PDLIM5: variants seen among roughly 807,000 people sequenced by gnomAD.
PDLIM5 encodes the protein PDZ and LIM domain 5.
In PDLIM5, 34 loss-of-function variants were observed where a neutral mutation model predicts 64.2. The ratio of observed to expected loss-of-function variants is 0.53; its 90% CI spans 0.40 to 0.71. The LOEUF is 0.71. Among genes scored for constraint, PDLIM5 ranks in the 30% least tolerant of loss-of-function variants. PDLIM5 has a pLI of 0.00. For synonymous variants in PDLIM5, 253 were observed against 269.1 expected (o/e 0.94, Z 0.59); for missense variants, 683 against 733.6 (o/e 0.93, Z 0.80).
chr4:94,527,073 T>TTTTG (rs1730438526), intron 3 of PDLIM5, among the ~76,000 whole-genome samples: 2 of 136,320 alleles, frequency 1.5e-5, no homozygotes, highest in African/African-American at 6.1e-5. Context: ...TTTTTTTTTT[T>TTTTG]TGAGACAGAG....
intron 7 of PDLIM5, among the ~76,000 whole-genome samples, chr4:94,609,489 C>T (rs1738187864): frequency 6.6e-6 from 1 of 152,072 alleles, no homozygotes; most frequent in Non-Finnish European, 1.5e-5. Flanking sequence ...AAAATGCTTA[C>T]AGAACTAACT....
chr4:94,535,493 C>T (rs1406048024), intron 3 of PDLIM5, among the ~76,000 whole-genome samples: 5 of 152,110 alleles, frequency 3.3e-5, no homozygotes, highest in Non-Finnish European at 7.4e-5. Flanking sequence ...GGTGAACGGC[C>T]CCACCATTCA....
At chr4:94,628,594 G>C (rs989918666) in intron 8 of PDLIM5, among the ~76,000 whole-genome samples, 2 of 150,562 alleles carry the variant, frequency 1.3e-5, no homozygotes, top group African/African-American at 4.9e-5. Context: ...AACTTAAACT[G>C]TAGGTACCTT....
intron 2 of PDLIM5, among the ~76,000 whole-genome samples, chr4:94,503,905 A>G (rs939638184): frequency 5.9e-5 from 9 of 152,160 alleles, no homozygotes; most frequent in Admixed American, 5.9e-4. Flanking sequence ...AATGATAGGG[A>G]AATTGACTGT....
intron 8 of PDLIM5, among the ~76,000 whole-genome samples, chr4:94,622,671 A>T (rs543450238): frequency 8.6e-6 from 1 of 116,880 alleles, no homozygotes; most frequent in South Asian, 2.7e-4. Context: ...CCTCCTTCTC[A>T]CCTTTCCCTC....
At chr4:94,491,137 G>A (rs1726833531) in intron 2 of PDLIM5, among the ~76,000 whole-genome samples, 1 of 152,080 alleles carries the variant, frequency 6.6e-6, no homozygotes, top group South Asian at 2.1e-4. Flanking sequence ...GTTTCATTGT[G>A]GGAAAACTGA....
At chr4:94,527,760 A>G (rs1416640072) in intron 3 of PDLIM5, among the ~76,000 whole-genome samples, 1 of 152,234 alleles carries the variant, frequency 6.6e-6, no homozygotes, top group Non-Finnish European at 1.5e-5. Flanking sequence ...AGGCAATGAA[A>G]CTGGGCTTTT....
chr4:94,544,631 T>G (rs564052520), intron 3 of PDLIM5, among the ~76,000 whole-genome samples: 1 of 152,218 alleles, frequency 6.6e-6, no homozygotes, highest in Non-Finnish European at 1.5e-5. Flanking sequence ...GGGTCTGTTT[T>G]GAGGCATTCT....
chr4:94,531,944 G>A (rs2452573), intron 3 of PDLIM5, among the ~76,000 whole-genome samples: 85,985 of 151,036 alleles, frequency 0.57, 25,693 homozygotes, highest in African/African-American at 0.75. Context: ...AAAAGGGGGG[G>A]AAAGCTTATA....
intron 3 of PDLIM5, among the ~76,000 whole-genome samples, chr4:94,532,292 G>C (rs909174030): frequency 5.3e-5 from 8 of 152,062 alleles, no homozygotes; most frequent in Non-Finnish European, 1.2e-4. Flanking sequence ...ATGAAGGGAC[G>C]GACGAACGTA....
rs1742806318 is a variant in PDLIM5, at chr4:94,662,410, C to T, written c.1586-12C>T. The T allele has an allele frequency of 4.2e-6, 5 of 1,202,206 alleles. No homozygotes were observed. In the South Asian group the frequency reaches 4.8e-5, roughly 12 times the overall value. The allele number at this position is 1,202,206 out of a possible 1,614,324, so 74.5% of individuals were successfully genotyped here. Reference sequence around the variant, plus strand: ...TGTTTAAATTATGTCTCTCTGCCCTCCCTTAATACAGATTATTATGCCCTC... The same window carrying T: ...TGTTTAAATTATGTCTCTCTGCCCTTCCTTAATACAGATTATTATGCCCTC... On this transcript the variant is annotated splice_polypyrimidine_tract_variant and intron_variant, in intron 11 of 12. Transcript: ENST00000317968.
intron 8 of PDLIM5, among the ~76,000 whole-genome samples, chr4:94,621,658 G>T (rs1739249839): frequency 6.6e-6 from 1 of 152,026 alleles, no homozygotes; most frequent in Non-Finnish European, 1.5e-5. Flanking sequence ...TCATTTTTTT[G>T]AACTCTTGGC....
In PDLIM5 at chr4:94,640,304, C is replaced by A. The variant is rs777689859; in HGVS notation, c.1137C>A (p.Ser379Arg). The change falls in exon 9 of 13, where the codon AGC becomes AGA. Residue 379 changes from serine to arginine, a missense_variant. Coordinates refer to ENST00000317968, the MANE Select transcript of PDLIM5 (RefSeq NM_006457.5). ...GVPSTGRISN[S>R]ATYSGSVAPA... ...CTTCCACTGGAAGAATCTCAAACAG[C>A]GCTACTTACTCAGGATCAGTGGCAC... The A allele has an allele frequency of 6.2e-7, 1 of 1,609,036 alleles. No homozygotes were observed. Among genetic ancestry groups the A allele is most frequent in the East Asian group, 2.2e-5 (1 of 44,798 alleles).
intron 7 of PDLIM5, among the ~76,000 whole-genome samples, chr4:94,597,539 C>A (rs1261945284): frequency 2.6e-5 from 4 of 152,018 alleles, no homozygotes; most frequent in African/African-American, 9.7e-5. Flanking sequence ...TGAAAGACAG[C>A]AAATAAAAAT....
intron 2 of PDLIM5, among the ~76,000 whole-genome samples, chr4:94,510,242 C>T (rs1457735124): frequency 6.6e-6 from 1 of 152,012 alleles, no homozygotes; most frequent in Non-Finnish European, 1.5e-5. Context: ...GAGTTTTCCA[C>T]TCCAGTTTTT....
chr4:94,647,562 A>G (rs545548859), intron 9 of PDLIM5, among the ~76,000 whole-genome samples: 2 of 152,272 alleles, frequency 1.3e-5, no homozygotes, highest in African/African-American at 4.8e-5. Flanking sequence ...AAACTTCAAC[A>G]CTCCATATTA....
At position 94,665,835 on chromosome 4, in the gene PDLIM5, G is replaced by A. The variant is rs971925745; in HGVS notation, c.*1768G>A. 17 of 1,342,046 alleles carry A rather than the reference G, an allele frequency of 1.3e-5. No individual in the cohort carries two copies. The highest frequency in any genetic ancestry group is 2.6e-4 in the Middle Eastern group (1 of 3,840). The allele number at this position is 1,342,046 out of a possible 1,614,324, so 83.1% of individuals were successfully genotyped here. ...GGAAAGCTTTTATTCACAGAGGTTG[G>A]GTAGTGTTGGGAGGGGAGTTTAATT... is the stretch of plus-strand genomic sequence containing the variant. On this transcript the variant is annotated 3_prime_UTR_variant, in exon 13 of 13. Coordinates refer to ENST00000317968, the MANE Select transcript of PDLIM5 (RefSeq NM_006457.5).
Position 94,663,975 on chromosome 4 carries a change from C to A in PDLIM5, c.1702-3C>A. 6.3e-7 allele frequency: 1 copy of A among 1,594,180 alleles called. No homozygotes were observed. On this transcript the variant is annotated splice_region_variant and splice_polypyrimidine_tract_variant and intron_variant, in intron 12 of 12. Transcript: ENST00000317968. ...TATCTCTTAAATGCTGCTTCTTTTT[C>A]AGGTGTGTTGTGAAAGTTTGGAAGG...
At chr4:94,633,633 G>C (rs1740328658) in intron 8 of PDLIM5, among the ~76,000 whole-genome samples, 1 of 152,076 alleles carries the variant, frequency 6.6e-6, no homozygotes, top group African/African-American at 2.4e-5. Context: ...TTTTTTCTCT[G>C]AATAAGGACT....
Sources: gnomAD v4.1 joint callset for allele counts (sites outside exome capture counted in the v4.1 genomes callset) on GRCh38, gnomAD v4.1.1 for gene constraint, MANE v1.5 for transcripts, NCBI Gene and HGNC (gene_info 2026-07-23, HGNC 2026-07-21) for gene names.